The following IQCK variants were observed in gnomAD, a reference collection of about 807,000 sequenced individuals.
IQCK encodes IQ motif containing K, also known as IQ domain-containing protein K.
In IQCK, 29 loss-of-function variants were observed where a neutral mutation model predicts 28.1. That is an observed-to-expected ratio of 1.03 (90% confidence interval 0.77 to 1.41). The LOEUF (loss-of-function observed/expected upper bound fraction) is 1.41. Ranked by LOEUF, IQCK falls within the 40% of genes most tolerant of loss-of-function variation. The pLI is 0.00. For synonymous variants in IQCK, 113 were observed against 115.1 expected (o/e 0.98, Z 0.12); for missense variants, 359 against 314.7 (o/e 1.14, Z -1.07).
exon 10 of IQCK, chr16:19,857,013 A>T (rs2056571137): frequency 6.0e-6 from 1 of 167,066 alleles, no homozygotes; most frequent in African/African-American, 2.4e-5. Flanking sequence ...ATACTTAATG[A>T]TCATTTCCAA....
exon 1 of IQCK, chr16:19,718,329 C>T (rs1400658334): frequency 6.2e-7 from 1 of 1,609,328 alleles, no homozygotes; most frequent in East Asian, 2.2e-5. Context: ...CGGCAAATCC[C>T]CAGCCACATA....
Position 19,804,568 on chromosome 16 carries a change from G to T in IQCK, c.690+15646G>T, listed in dbSNP as rs145474790. On this transcript the variant is annotated intron_variant, in intron 7 of 7. Transcript: ENST00000564186. ...CCCTCCCAGTTCAGCCTCCCAAGTA[G>T]CTGGGACCACAGCTGTGAGCTACTA... Among the ~76,000 whole-genome samples, 589 of 152,042 alleles carry T rather than the reference G, an allele frequency of 3.9e-3. 4 individuals carry two copies. Among genetic ancestry groups the T allele is most frequent in the Non-Finnish European group, 6.5e-3 (445 of 68,002 alleles).
At chr16:19,736,091 T>C (rs1044290969) in intron 4 of IQCK, 2 of 455,576 alleles carry the variant, frequency 4.4e-6, no homozygotes, top group African/African-American at 4.0e-5. Context: ...AGAACTCTGC[T>C]TACTTCTTAC....
chr16:19,845,846 G>A (rs1013301017), intron 9 of IQCK, among the ~76,000 whole-genome samples: 5 of 152,196 alleles, frequency 3.3e-5, no homozygotes, highest in African/African-American at 7.2e-5. Context: ...AGGCTGAGGC[G>A]GGCGGATCAC....
rs547356199 is a variant in IQCK, at chr16:19,789,440, A to G, written c.690+518A>G. Among the ~76,000 whole-genome samples, 18 of 87,796 alleles carry G rather than the reference A, an allele frequency of 2.1e-4. No individual in the cohort carries two copies. The South Asian group carries it at 7.1e-3, about 34-fold the overall frequency. The allele number at this position is 87,796 out of a possible 152,430, so 57.6% of individuals were successfully genotyped here. A position where few individuals can be genotyped will look rare whatever the true frequency, so the allele number is the denominator to read the frequency against. The stretch of plus-strand genomic sequence containing the variant: ...AAAAAAAAAAAAAAAAAAAAAACAC[A>G]AAGACTTTTTACCAAAACTTATTTT... On this transcript the variant is annotated intron_variant, in intron 7 of 7. Transcript: ENST00000564186.
chr16:19,735,775 C>G (rs941109048), intron 4 of IQCK: 1 of 352,302 alleles, frequency 2.8e-6, no homozygotes. Flanking sequence ...GATTAAAGCT[C>G]TCCTTGGCCG....
intron 2 of IQCK, 66 bp from the exon 3 acceptor site, chr16:19,733,632 A>G: frequency 1.3e-6 from 2 of 1,576,582 alleles, no homozygotes; most frequent in Non-Finnish European, 1.7e-6. Context: ...TCATAAGGTT[A>G]TACCAGAAAA....
intron 4 of IQCK, among the ~76,000 whole-genome samples, chr16:19,756,861 C>T (rs551297708): frequency 2.0e-5 from 3 of 147,224 alleles, no homozygotes; most frequent in Non-Finnish European, 4.4e-5. Context: ...CGCGCCACTG[C>T]ACTCCAGCCT....
chr16:19,719,096 T>C (rs564563058), intron 1 of IQCK, among the ~76,000 whole-genome samples: 27 of 152,312 alleles, frequency 1.8e-4, no homozygotes, highest in African/African-American at 6.3e-4. Flanking sequence ...ATTTAACTTA[T>C]GACCCTGTCT....
At chr16:19,751,895 T>C (rs563765151) in intron 4 of IQCK, among the ~76,000 whole-genome samples, 5 of 152,270 alleles carry the variant, frequency 3.3e-5, no homozygotes, top group Non-Finnish European at 7.4e-5. Flanking sequence ...ATTATAGTTA[T>C]AGCTGCCTTC....
At chr16:19,772,608 C>T (rs2055334529) in intron 6 of IQCK, among the ~76,000 whole-genome samples, 1 of 152,124 alleles carries the variant, frequency 6.6e-6, no homozygotes, top group Non-Finnish European at 1.5e-5. Flanking sequence ...CATTCACTGA[C>T]ATGGAGAACA....
At chr16:19,735,725 AG>A in intron 4 of IQCK, 1 of 427,220 alleles carries the variant, frequency 2.3e-6, no homozygotes, top group Non-Finnish European at 4.3e-6. Context: ...GGCATCCACC[AG>A]GTTTCTTGGG....
chr16:19,720,279 C>T (rs1383176287), intron 1 of IQCK, among the ~76,000 whole-genome samples: 1 of 152,216 alleles, frequency 6.6e-6, no homozygotes, highest in Admixed American at 6.5e-5. Context: ...ACGTCCTTAC[C>T]TCTTGGTGCT....
chr16:19,772,848 C>G (rs374184611), intron 6 of IQCK, among the ~76,000 whole-genome samples: 2 of 151,840 alleles, frequency 1.3e-5, no homozygotes. Context: ...TATAAAAAAT[C>G]AAAAATCAGC....
intron 9 of IQCK, among the ~76,000 whole-genome samples, chr16:19,837,650 A>G (rs2056314333): frequency 6.6e-6 from 1 of 152,188 alleles, no homozygotes; most frequent in Non-Finnish European, 1.5e-5. Flanking sequence ...TTTTAGTAAT[A>G]TTTTTTAAAG....
intron 3 of IQCK, among the ~76,000 whole-genome samples, chr16:19,734,479 A>AAAAG (rs1555514170): frequency 4.9e-5 from 7 of 142,720 alleles, no homozygotes; most frequent in South Asian, 4.5e-4. Flanking sequence ...AAAAAAAAAA[A>AAAAG]TTATCCAGGC....
intron 7 of IQCK, among the ~76,000 whole-genome samples, chr16:19,823,402 G>A (rs1447128046): frequency 6.6e-6 from 1 of 152,102 alleles, no homozygotes; most frequent in African/African-American, 2.4e-5. Flanking sequence ...CTGCTTCAGT[G>A]TGCCCTGCAT....
chr16:19,811,424 G>A (rs539854552), intron 7 of IQCK, among the ~76,000 whole-genome samples: 97 of 152,284 alleles, frequency 6.4e-4, no homozygotes, highest in African/African-American at 2.2e-3. Context: ...CAAGTACAGC[G>A]AACAGTTGGA....
intron 4 of IQCK, 22 bp downstream of exon 4, chr16:19,735,472 C>CT (rs1251118178): frequency 1.3e-6 from 2 of 1,522,662 alleles, no homozygotes; most frequent in East Asian, 4.5e-5. Flanking sequence ...GGCAGGATTT[C>CT]TTTATTTTGA....
Sources: gnomAD v4.1 joint callset for allele counts (sites outside exome capture counted in the v4.1 genomes callset) on GRCh38, gnomAD v4.1.1 for gene constraint, MANE v1.5 for transcripts, NCBI Gene and HGNC (gene_info 2026-07-23, HGNC 2026-07-21) for gene names.